PDGFC: variants seen among roughly 807,000 people sequenced by gnomAD.
PDGFC encodes platelet-derived growth factor C.
A neutral mutation model predicts 35.5 loss-of-function variants in PDGFC; 12 were observed. That is an observed-to-expected ratio of 0.34 (90% CI 0.22 to 0.55). The LOEUF (loss-of-function observed/expected upper bound fraction) is 0.55. Among genes scored for constraint, PDGFC ranks in the 20% least tolerant of loss-of-function variants. The pLI is 0.91. For missense variants in PDGFC, 322 were observed against 412.4 expected, an observed-to-expected ratio of 0.78 and a Z score of 1.90; for synonymous variants, 159 against 148.8, an observed-to-expected ratio of 1.07 and a Z score of -0.50.
At chr4:156,894,652 A>G (rs568011960) in intron 1 of PDGFC, among the ~76,000 whole-genome samples, 1 of 152,322 alleles carries the variant, frequency 6.6e-6, no homozygotes, top group African/African-American at 2.4e-5. Context: ...AAATATGTTA[A>G]ATAGAAGATA....
chr4:156,939,859 C>A (rs1211102628), intron 1 of PDGFC, among the ~76,000 whole-genome samples: 2 of 152,068 alleles, frequency 1.3e-5, no homozygotes, highest in African/African-American at 2.4e-5. Context: ...AATATAACTA[C>A]TTGGGATTAC....
At chr4:156,905,779 A>G (rs1286189367) in intron 1 of PDGFC, among the ~76,000 whole-genome samples, 2 of 151,712 alleles carry the variant, frequency 1.3e-5, no homozygotes, top group Non-Finnish European at 2.9e-5. Context: ...TTTTAATTAC[A>G]TTAGAAAGAT....
intron 3 of PDGFC, among the ~76,000 whole-genome samples, chr4:156,781,979 G>A (rs773933349): frequency 6.6e-6 from 1 of 152,124 alleles, no homozygotes; most frequent in Non-Finnish European, 1.5e-5. Flanking sequence ...CATGATTGAT[G>A]TTGGTCTGTG....
Position 156,957,363 on chromosome 4 carries a change from T to C in PDGFC, c.118+13423A>G, listed in dbSNP as rs141452188. Among the ~76,000 whole-genome samples, 9 of 152,100 alleles carry C rather than the reference T, an allele frequency of 5.9e-5. No individual in the cohort carries two copies. The South Asian group carries it at 1.7e-3, about 28-fold the overall frequency. ...CTCCATGTCCATTCTTCTACACCACTTATTACACTGAAGATTTTTTCTTTG... is the reference window on the plus strand; with the variant it reads ...CTCCATGTCCATTCTTCTACACCACCTATTACACTGAAGATTTTTTCTTTG... On this transcript the variant is annotated intron_variant, in intron 1 of 5. Transcript: ENST00000502773.
At chr4:156,834,833 T>C (rs1729024981) in intron 2 of PDGFC, among the ~76,000 whole-genome samples, 2 of 152,106 alleles carry the variant, frequency 1.3e-5, no homozygotes, top group South Asian at 4.1e-4. Context: ...TTCATAACTG[T>C]CAGTAGCATG....
chr4:156,970,889 C>A lies in PDGFC; in HGVS notation c.15G>T (p.Gly5=). The A allele has an allele frequency of 6.2e-7, 1 of 1,612,734 alleles. No individual in the cohort carries two copies. The highest frequency in any genetic ancestry group is 2.2e-5 in the East Asian group (1 of 44,842). The change falls in exon 1 of 6, where the codon GGG becomes GGT. Residue 5 remains glycine, a synonymous_variant. Coordinates refer to ENST00000502773, the MANE Select transcript of PDGFC (RefSeq NM_016205.3). ...CCAGGGCAGATGTCAGCAGGAGAAG[C>A]CCGAAGAGGCTCATTTGGCTGACTG... MSLF[G]LLLLTSALAG... is the part of the protein sequence containing the mutation.
intron 1 of PDGFC, among the ~76,000 whole-genome samples, chr4:156,908,214 A>G (rs1471631887): frequency 6.6e-6 from 1 of 152,160 alleles, no homozygotes; most frequent in African/African-American, 2.4e-5. Context: ...TTAACAAAAC[A>G]AAGCTTAGCT....
chr4:156,862,725 CTTT>C (rs34201954), intron 1 of PDGFC, among the ~76,000 whole-genome samples: 2 of 147,198 alleles, frequency 1.4e-5, no homozygotes, highest in Admixed American at 6.8e-5. Flanking sequence ...ATCTCTCTCT[CTTT>C]TTTTTTTTTT....
intron 1 of PDGFC, among the ~76,000 whole-genome samples, chr4:156,938,484 G>A (rs1040605285): frequency 6.6e-6 from 1 of 151,834 alleles, no homozygotes; most frequent in Non-Finnish European, 1.5e-5. Flanking sequence ...TTTGAGGGAA[G>A]GAAATATTCC....
At chr4:156,769,857 T>C (rs1036234144) in intron 4 of PDGFC, among the ~76,000 whole-genome samples, 1 of 152,032 alleles carries the variant, frequency 6.6e-6, no homozygotes, top group African/African-American at 2.4e-5. Context: ...ATTTAATGCC[T>C]GGGCAAGGAG....
intron 1 of PDGFC, among the ~76,000 whole-genome samples, chr4:156,878,980 T>G (rs1006730952): frequency 6.6e-6 from 1 of 152,234 alleles, no homozygotes; most frequent in African/African-American, 2.4e-5. Context: ...CATGTTTGAC[T>G]TTAAATCTTC....
At chr4:156,851,341 T>G (rs2111085007) in intron 1 of PDGFC, among the ~76,000 whole-genome samples, 1 of 152,290 alleles carries the variant, frequency 6.6e-6, no homozygotes, top group African/African-American at 2.4e-5. Flanking sequence ...AAATATGAAT[T>G]CTAAATCTCC....
intron 1 of PDGFC, among the ~76,000 whole-genome samples, chr4:156,949,177 T>C (rs975951906): frequency 7.9e-5 from 12 of 151,938 alleles, no homozygotes; most frequent in Non-Finnish European, 7.4e-5. Context: ...TATTAAGAAT[T>C]CTTTGAAAGA....
At chr4:156,868,263 C>T (rs1378892657) in intron 1 of PDGFC, among the ~76,000 whole-genome samples, 2 of 152,230 alleles carry the variant, frequency 1.3e-5, no homozygotes, top group Admixed American at 6.5e-5. Context: ...AAAATAAAGG[C>T]GAGCATTTTG....
chr4:156,811,825 A>G (rs971944424), intron 2 of PDGFC, among the ~76,000 whole-genome samples: 13 of 152,060 alleles, frequency 8.5e-5, no homozygotes, highest in African/African-American at 3.1e-4. Context: ...CTGTGGGAAC[A>G]TTTTAGGTTG....
intron 3 of PDGFC, among the ~76,000 whole-genome samples, chr4:156,794,432 A>G (rs900495527): frequency 6.6e-6 from 1 of 152,094 alleles, no homozygotes; most frequent in Non-Finnish European, 1.5e-5. Flanking sequence ...TTAGCTTTCA[A>G]AGTAACACAA....
intron 1 of PDGFC, among the ~76,000 whole-genome samples, chr4:156,917,448 T>C (rs1242576516): frequency 6.6e-6 from 1 of 152,202 alleles, no homozygotes; most frequent in African/African-American, 2.4e-5. Context: ...TGGTTATGAT[T>C]TGTATGATTT....
At chr4:156,935,994 G>A (rs1016377982) in intron 1 of PDGFC, among the ~76,000 whole-genome samples, 1 of 152,152 alleles carries the variant, frequency 6.6e-6, no homozygotes, top group Admixed American at 6.5e-5. Context: ...TTGCTAGAAC[G>A]AAAATACATG....
At chr4:156,826,174 A>ATTGTTTTTT (rs1732468810) in intron 2 of PDGFC, among the ~76,000 whole-genome samples, 1 of 43,766 alleles carries the variant, frequency 2.3e-5, no homozygotes, top group Non-Finnish European at 4.1e-5. Flanking sequence ...TTTGAGTTGG[A>ATTGTTTTTT]TTTTTTTTTT....
Sources: allele counts gnomAD v4.1 joint callset (sites outside exome capture counted in the v4.1 genomes callset), GRCh38; gene constraint gnomAD v4.1.1; transcripts MANE v1.5; gene names NCBI Gene and HGNC (gene_info 2026-07-23, HGNC 2026-07-21).